Variants in MED12L observed in about 807,000 individuals in gnomAD.
MED12L encodes mediator of RNA polymerase II transcription subunit 12-like protein.
In MED12L, 60 loss-of-function variants were observed where a neutral mutation model predicts 281.3. That is an observed-to-expected ratio of 0.21 (90% CI 0.17 to 0.26). The LOEUF is 0.26. MED12L is among the 10% of genes least tolerant of loss of function. The pLI is 1.00. For synonymous variants in MED12L, 974 were observed against 987.2 expected (o/e 0.99, Z 0.25); for missense variants, 2,146 against 2,680.9 (o/e 0.80, Z 4.41).
At chr3:151,171,363 C>T (rs1306045060) in intron 11 of MED12L, among the ~76,000 whole-genome samples, 3 of 152,192 alleles carry the variant, frequency 2.0e-5, no homozygotes, top group South Asian at 2.1e-4. Context: ...AGTGTGAGCA[C>T]GGAGGCAGCT....
chr3:151,223,191 CTA>C (rs1330956473), intron 16 of MED12L, among the ~76,000 whole-genome samples: 1 of 85,176 alleles, frequency 1.2e-5, no homozygotes, highest in Non-Finnish European at 2.5e-5. Flanking sequence ...AAAAAAAAAA[CTA>C]GATGTCAGTG....
intron 38 of MED12L, 111 bp downstream of exon 38, chr3:151,390,246 C>A: frequency 2.0e-6 from 2 of 994,768 alleles, no homozygotes; most frequent in Non-Finnish European, 3.0e-6. Context: ...ACTGAGTGCT[C>A]AGTTGACATT....
intron 21 of MED12L, among the ~76,000 whole-genome samples, chr3:151,364,103 G>T (rs1754981943): frequency 6.6e-6 from 1 of 152,142 alleles, no homozygotes; most frequent in Admixed American, 6.5e-5. Flanking sequence ...GAGCTTTTGA[G>T]TAGAGAGAGT....
At chr3:151,356,840 T>G (rs1290493640) in intron 19 of MED12L, among the ~76,000 whole-genome samples, 1 of 152,198 alleles carries the variant, frequency 6.6e-6, no homozygotes, top group Non-Finnish European at 1.5e-5. Flanking sequence ...TTGGTTTCCT[T>G]TGTTTATTTT....
intron 16 of MED12L, chr3:151,198,871 A>C (rs751807698): frequency 1.2e-6 from 2 of 1,614,132 alleles, no homozygotes; most frequent in South Asian, 2.2e-5. Flanking sequence ...AATTTCTTCC[A>C]AATTCCTTTT....
intron 2 of MED12L, among the ~76,000 whole-genome samples, chr3:151,106,701 G>A (rs760529720): frequency 6.6e-6 from 1 of 151,944 alleles, no homozygotes; most frequent in Non-Finnish European, 1.5e-5. Flanking sequence ...CTTTTGTTAG[G>A]CACACATGCA....
At chr3:151,249,502 G>A (rs1736427868) in intron 16 of MED12L, among the ~76,000 whole-genome samples, 1 of 152,078 alleles carries the variant, frequency 6.6e-6, no homozygotes, top group East Asian at 1.9e-4. Context: ...CAAGATAACT[G>A]TCAAATGAGA....
intron 39 of MED12L, among the ~76,000 whole-genome samples, chr3:151,400,838 A>G (rs1463083095): frequency 6.6e-6 from 1 of 152,194 alleles, no homozygotes; most frequent in Non-Finnish European, 1.5e-5. Context: ...ACGAGAATAG[A>G]AAAAATGTAA....
chr3:151,118,577 A>T (rs1713230108), intron 3 of MED12L, among the ~76,000 whole-genome samples: 1 of 152,096 alleles, frequency 6.6e-6, no homozygotes, highest in South Asian at 2.1e-4. Flanking sequence ...TTAAGTGTAC[A>T]GTTCTTGGGT....
At chr3:151,385,720 GGAA>G (rs1331152290) in intron 36 of MED12L, among the ~76,000 whole-genome samples, 589 of 58,442 alleles carry the variant, frequency 0.01, 4 homozygotes, top group Non-Finnish European at 0.02. Flanking sequence ...CTCTGGGGGG[GGAA>G]AAAAAAAAAA....
chr3:151,229,874 T>C (rs1426518189), intron 16 of MED12L, among the ~76,000 whole-genome samples: 1 of 152,226 alleles, frequency 6.6e-6, no homozygotes, highest in Non-Finnish European at 1.5e-5. Flanking sequence ...AGATGCACTT[T>C]TATGCAGCTT....
At chr3:151,389,912 T>C in intron 37 of MED12L, 67 bp from the exon 38 acceptor site, 1 of 1,521,044 alleles carries the variant, frequency 6.6e-7, no homozygotes, top group Non-Finnish European at 9.1e-7. Context: ...CTTACTGAAG[T>C]TATTTGCATT....
intron 16 of MED12L, chr3:151,269,397 TCACACACACACACA>T (rs71801434): frequency 0.023 from 3,395 of 144,774 alleles, 125 homozygotes; most frequent in South Asian, 0.14. Flanking sequence ...TGAAACTCCA[TCACACACACACACA>T]CACACACACA....
chr3:151,308,445 A>G (rs939566583), intron 16 of MED12L, among the ~76,000 whole-genome samples: 1 of 152,148 alleles, frequency 6.6e-6, no homozygotes, highest in African/African-American at 2.4e-5. Flanking sequence ...TAGTCAGTTT[A>G]GGGGCCACAG....
At chr3:151,286,163 TCA>T (rs1288970803) in intron 16 of MED12L, among the ~76,000 whole-genome samples, 1 of 152,150 alleles carries the variant, frequency 6.6e-6, no homozygotes, top group East Asian at 1.9e-4. Flanking sequence ...CTCTGTGCCC[TCA>T]CATGGCTCTA....
intron 16 of MED12L, among the ~76,000 whole-genome samples, chr3:151,330,644 G>A (rs930892924): frequency 1.3e-5 from 2 of 152,106 alleles, no homozygotes; most frequent in African/African-American, 4.8e-5. Context: ...TGATCACAAA[G>A]TTTTGGGTGA....
intron 16 of MED12L, chr3:151,338,342 T>C: frequency 6.2e-7 from 1 of 1,614,168 alleles, no homozygotes. Flanking sequence ...CATTCTTGTC[T>C]CTCGGCTGCC....
chr3:151,110,562 T>G (rs1024864797), intron 2 of MED12L, among the ~76,000 whole-genome samples: 3 of 152,244 alleles, frequency 2.0e-5, no homozygotes, highest in South Asian at 2.1e-4. Context: ...AAGGTGCATT[T>G]TTTTGGTTGT....
At chr3:151,355,539 T>C (rs1281363037) in intron 18 of MED12L, among the ~76,000 whole-genome samples, 1 of 152,210 alleles carries the variant, frequency 6.6e-6, no homozygotes, top group Non-Finnish European at 1.5e-5. Flanking sequence ...ATGAGAAATC[T>C]GTTGATGATT....
Sources: gnomAD v4.1 joint callset for allele counts (sites outside exome capture counted in the v4.1 genomes callset) on GRCh38, gnomAD v4.1.1 for gene constraint, MANE v1.5 for transcripts, NCBI Gene and HGNC (gene_info 2026-07-23, HGNC 2026-07-21) for gene names.